The following RGS21 variants were observed in gnomAD, a reference collection of about 807,000 sequenced individuals.
The protein encoded by RGS21 is regulator of G protein signaling 21.
RGS21 carries 19 observed loss-of-function variants against 18.7 expected under a neutral mutation model. The ratio of observed to expected loss-of-function variants is 1.01; its 90% confidence interval spans 0.71 to 1.49. The LOEUF is 1.49. Among genes scored for constraint, RGS21 ranks in the 40% most tolerant of loss-of-function variants. The pLI is 0.00. For synonymous variants in RGS21, 56 were observed against 57.8 expected (o/e 0.97, Z 0.14); for missense variants, 194 against 176.8 (o/e 1.10, Z -0.55).
At chr1:192,335,935 AC>A (rs914691321) in intron 1 of RGS21, among the ~76,000 whole-genome samples, 3 of 152,144 alleles carry the variant, frequency 2.0e-5, no homozygotes, top group African/African-American at 7.2e-5. Context: ...AGCATTTTGG[AC>A]TTCTAGGTAA....
At chr1:192,344,378 G>C (rs535197982) in intron 2 of RGS21, among the ~76,000 whole-genome samples, 33 of 151,954 alleles carry the variant, frequency 2.2e-4, no homozygotes, top group Admixed American at 1.4e-3. Context: ...TCTAACTCTG[G>C]CCATTACTGT....
chr1:192,322,741 C>T (rs1010122952), intron 1 of RGS21, among the ~76,000 whole-genome samples: 8 of 152,068 alleles, frequency 5.3e-5, no homozygotes, highest in African/African-American at 1.9e-4. Context: ...GTTCACCCTT[C>T]TAAAAGGGTG....
rs145144217 is a variant in RGS21, at chr1:192,352,020, C to A, written c.89-27C>A. On this transcript the variant is annotated intron_variant, in intron 3 of 4. Coordinates refer to ENST00000417209, the MANE Select transcript of RGS21 (RefSeq NM_001039152.3). Reference sequence around the variant, plus strand: ...TATTACTACTCTGTATGCTATTATACAAAACTTTTTCTCATATATTTTATA... The same window carrying A: ...TATTACTACTCTGTATGCTATTATAAAAAACTTTTTCTCATATATTTTATA... 27 of 1,455,980 alleles carry A rather than the reference C, an allele frequency of 1.9e-5. No homozygotes were observed. In the Admixed American group the frequency reaches 2.2e-4, roughly 12 times the overall value. The allele number at this position is 1,455,980 out of a possible 1,614,324, so 90.2% of individuals were successfully genotyped here.
intron 1 of RGS21, among the ~76,000 whole-genome samples, chr1:192,322,957 A>G (rs1232904356): frequency 2.0e-5 from 3 of 152,122 alleles, no homozygotes; most frequent in Non-Finnish European, 2.9e-5. Flanking sequence ...AAAACCTGTC[A>G]TGATGATGTA....
intron 2 of RGS21, among the ~76,000 whole-genome samples, chr1:192,346,819 G>A (rs567698819): frequency 2.5e-3 from 373 of 152,074 alleles, no homozygotes; most frequent in Non-Finnish European, 3.8e-3. Context: ...GAAATATTAC[G>A]AACAAAATGT....
chr1:192,336,396 A>T (rs1658768265), intron 1 of RGS21, among the ~76,000 whole-genome samples: 1 of 152,206 alleles, frequency 6.6e-6, no homozygotes, highest in Non-Finnish European at 1.5e-5. Flanking sequence ...CGCAGGTTGC[A>T]GTGAGCTGAG....
chr1:192,344,714 T>C (rs935929763), intron 2 of RGS21, among the ~76,000 whole-genome samples: 9 of 152,126 alleles, frequency 5.9e-5, no homozygotes, highest in Non-Finnish European at 1.2e-4. Flanking sequence ...GTAAATGCTA[T>C]GTTACCTCCA....
chr1:192,348,769 A>C (rs1658992508), intron 3 of RGS21, among the ~76,000 whole-genome samples: 1 of 152,030 alleles, frequency 6.6e-6, no homozygotes, highest in Non-Finnish European at 1.5e-5. Flanking sequence ...AAATGTTTAT[A>C]ATATTATTTG....
chr1:192,326,024 A>C (rs765483722), intron 1 of RGS21, among the ~76,000 whole-genome samples: 5 of 152,106 alleles, frequency 3.3e-5, no homozygotes, highest in Admixed American at 1.3e-4. Flanking sequence ...TACATTATTA[A>C]GATAAAATAT....
intron 4 of RGS21, among the ~76,000 whole-genome samples, chr1:192,353,790 T>C (rs1413033645): frequency 6.6e-6 from 1 of 151,656 alleles, no homozygotes; most frequent in Non-Finnish European, 1.5e-5. Flanking sequence ...GATATAAAAC[T>C]TCACAGCTTT....
rs1571458236 is a variant in RGS21, at chr1:192,347,203, TTGATTAACAGCA to T, written c.12-106_12-95del. 96 of 686,686 alleles carry T rather than the reference TTGATTAACAGCA, an allele frequency of 1.4e-4. No homozygotes were observed. The South Asian group carries it at 1.9e-3, about 14-fold the overall frequency. The allele number at this position is 686,686 out of a possible 1,614,324, so 42.5% of individuals were successfully genotyped here. On this transcript the variant is annotated intron_variant, in intron 2 of 4. Coordinates refer to ENST00000417209, the MANE Select transcript of RGS21 (RefSeq NM_001039152.3). Reference sequence around the variant, plus strand: ...GTATAATTTTTTGACATTTGGCTGTTTGATTAACAGCATGAAGTTCATTTGAATGATGTAACT... The same window carrying T: ...GTATAATTTTTTGACATTTGGCTGTTTGAAGTTCATTTGAATGATGTAACT...
intron 2 of RGS21, among the ~76,000 whole-genome samples, chr1:192,345,941 T>C (rs991302148): frequency 2.6e-5 from 4 of 152,006 alleles, no homozygotes; most frequent in Non-Finnish European, 5.9e-5. Context: ...TCTAGCATTG[T>C]GTCTCAACCT....
intron 1 of RGS21, among the ~76,000 whole-genome samples, chr1:192,318,159 T>A (rs1208559909): frequency 6.6e-6 from 1 of 152,100 alleles, no homozygotes. Context: ...TTAGACAATG[T>A]CAAAATATTG....
At position 192,346,544 on chromosome 1, in the gene RGS21, C is replaced by G. The variant is rs112549423; in HGVS notation, c.12-769C>G. ...TTCTATGAATAGGGGCTTATTTCAT[C>G]AGGATCTTTGTTTATTAAGAGGAGT... On this transcript the variant is annotated intron_variant, in intron 2 of 4. Coordinates refer to ENST00000417209, the MANE Select transcript of RGS21 (RefSeq NM_001039152.3). 5.1e-4 allele frequency among the ~76,000 whole-genome samples: 78 copies of G among 152,140 alleles called. 1 individual carries two copies. The highest frequency in any genetic ancestry group is 1.7e-3 in the African/African-American group (72 of 41,550).
intron 1 of RGS21, among the ~76,000 whole-genome samples, chr1:192,325,854 C>G (rs927829378): frequency 2.6e-5 from 4 of 151,990 alleles, no homozygotes; most frequent in Non-Finnish European, 5.9e-5. Context: ...AGACCTTTGT[C>G]AGATGCAGTT....
chr1:192,334,155 T>C (rs533823857), intron 1 of RGS21, among the ~76,000 whole-genome samples: 1 of 152,264 alleles, frequency 6.6e-6, no homozygotes, highest in East Asian at 1.9e-4. Flanking sequence ...GACAGTGAAC[T>C]TTTCAACATA....
chr1:192,339,440 A>G (rs147500392), intron 1 of RGS21, among the ~76,000 whole-genome samples: 1 of 152,190 alleles, frequency 6.6e-6, no homozygotes, highest in Non-Finnish European at 1.5e-5. Flanking sequence ...AATTACTATG[A>G]CAGGAAAGTT....
rs1571456440 is a variant in RGS21 at position 192,342,984 on chromosome 1, A to T, written c.-53A>T. On this transcript the variant is annotated 5_prime_UTR_variant, in exon 2 of 5. Transcript: ENST00000417209. ...CTGTCACATTACCTTCAGCTTGAAG[A>T]TCAGTCAGAAAGAGAAACTCGGCAT... is the stretch of plus-strand genomic sequence containing the variant. 1 of 1,585,832 alleles carries T rather than the reference A, an allele frequency of 6.3e-7. No homozygotes were observed. Among genetic ancestry groups the T allele is most frequent in the East Asian group, 2.2e-5 (1 of 44,684 alleles).
At chr1:192,325,910 T>G (rs550728097) in intron 1 of RGS21, among the ~76,000 whole-genome samples, 3 of 152,222 alleles carry the variant, frequency 2.0e-5, no homozygotes, top group Admixed American at 2.0e-4. Context: ...CTAATAAAAT[T>G]TTTATTTGAT....
Sources: gnomAD v4.1 joint callset for allele counts (sites outside exome capture counted in the v4.1 genomes callset) on GRCh38, gnomAD v4.1.1 for gene constraint, MANE v1.5 for transcripts, NCBI Gene and HGNC (gene_info 2026-07-23, HGNC 2026-07-21) for gene names.